Variants in IRAK1BP1 observed in about 807,000 individuals in gnomAD.
IRAK1BP1 encodes the protein interleukin 1 receptor associated kinase 1 binding protein 1.
A neutral mutation model predicts 28.0 loss-of-function variants in IRAK1BP1; 24 were observed. The ratio of observed to expected loss-of-function variants is 0.86; its 90% CI spans 0.62 to 1.20. The LOEUF (loss-of-function observed/expected upper bound fraction) is 1.20, where lower values mean the gene tolerates loss of function less well. Among genes scored for constraint, IRAK1BP1 ranks in the 50% most tolerant of loss-of-function variants. The probability of loss-of-function intolerance (pLI) is 0.00; values close to 1 mark genes in which losing one functional copy is unlikely to be tolerated. For missense variants in IRAK1BP1, 336 were observed against 316.7 expected (o/e 1.06, Z -0.46); for synonymous variants, 131 against 116.3 (o/e 1.13, Z -0.81).
intron 1 of IRAK1BP1, chr6:78,872,027 C>G (rs556718775): frequency 7.6e-6 from 5 of 653,714 alleles, no homozygotes; most frequent in South Asian, 5.1e-5. Context: ...TCCTCTCCCC[C>G]AGCCCCAGCA....
At chr6:78,946,200 T>C (rs866508745) in exon 5 of IRAK1BP1, 1 of 1,612,942 alleles carries the variant, frequency 6.2e-7, no homozygotes. Context: ...GTGTAGAGAA[T>C]GCAGAGGTAG....
chr6:78,935,359 A>G (rs1012324864), intron 4 of IRAK1BP1: 4 of 202,314 alleles, frequency 2.0e-5, no homozygotes, highest in Admixed American at 6.5e-5. Context: ...AATGGTCTTC[A>G]TGCTAAAATT....
At chr6:78,892,017 TAGAG>T (rs1284270147) in intron 2 of IRAK1BP1, among the ~76,000 whole-genome samples, 1 of 152,226 alleles carries the variant, frequency 6.6e-6, no homozygotes, top group African/African-American at 2.4e-5. Flanking sequence ...ATCTGATCAA[TAGAG>T]AATCTTTGAA....
At chr6:78,968,958 G>A in the IRAK1BP1 span, among the ~76,000 whole-genome samples, 1 of 152,160 alleles carries the variant, frequency 6.6e-6, no homozygotes. Flanking sequence ...GGCTTCTACT[G>A]AATATTATTT....
chr6:78,961,732 T>G, the IRAK1BP1 span: 1 of 1,612,704 alleles, frequency 6.2e-7, no homozygotes, highest in Admixed American at 1.7e-5. Context: ...TGTACTTAGA[T>G]CCGTTGGATA....
intron 4 of IRAK1BP1, among the ~76,000 whole-genome samples, chr6:78,928,882 T>C (rs1165153216): frequency 6.6e-6 from 1 of 152,182 alleles, no homozygotes; most frequent in Non-Finnish European, 1.5e-5. Context: ...TAATGAATGA[T>C]CTTTTTCACT....
chr6:78,921,726 C>A (rs1336667105), intron 4 of IRAK1BP1, among the ~76,000 whole-genome samples: 3 of 152,218 alleles, frequency 2.0e-5, no homozygotes, highest in Non-Finnish European at 4.4e-5. Context: ...TGAGACAAAA[C>A]TTCCAGAGGA....
intron 1 of IRAK1BP1, among the ~76,000 whole-genome samples, chr6:78,877,721 C>T (rs890682432): frequency 1.1e-4 from 16 of 152,134 alleles, no homozygotes; most frequent in African/African-American, 1.9e-4. Context: ...TGCAAGGGGT[C>T]GGGGAATTCC....
At chr6:78,958,462 A>C in the IRAK1BP1 span, 1 of 1,418,574 alleles carries the variant, frequency 7.0e-7, no homozygotes. Context: ...TTACATATGA[A>C]AAGATAACTT....
At chr6:78,924,838 A>C (rs1772843217) in intron 4 of IRAK1BP1, among the ~76,000 whole-genome samples, 1 of 152,226 alleles carries the variant, frequency 6.6e-6, no homozygotes, top group Non-Finnish European at 1.5e-5. Context: ...AAAGGATTAT[A>C]AATCATGTTG....
At chr6:78,929,939 T>C (rs2127669662) in intron 4 of IRAK1BP1, among the ~76,000 whole-genome samples, 1 of 152,238 alleles carries the variant, frequency 6.6e-6, no homozygotes, top group Admixed American at 6.5e-5. Context: ...ACAGTTTTTT[T>C]TTGTTTTCGT....
At chr6:78,965,821 A>T in the IRAK1BP1 span, 6 of 1,187,098 alleles carry the variant, frequency 5.1e-6, no homozygotes, top group Non-Finnish European at 7.4e-6. Context: ...TCACAATTTT[A>T]ATAAAATCAA....
At chr6:78,947,082 C>G (rs2127683127), downstream of IRAK1BP1, among the ~76,000 whole-genome samples, 1 of 152,116 alleles carries the variant, frequency 6.6e-6, no homozygotes, top group East Asian at 1.9e-4. Flanking sequence ...AGAAATCTTC[C>G]AAGTTTTGAG....
chr6:78,884,228 A>C (rs988383992), intron 1 of IRAK1BP1, among the ~76,000 whole-genome samples: 17 of 152,288 alleles, frequency 1.1e-4, no homozygotes, highest in African/African-American at 4.1e-4. Context: ...ACTGCTTGTA[A>C]TTAGTTTATA....
intron 1 of IRAK1BP1, among the ~76,000 whole-genome samples, chr6:78,868,328 G>A (rs180953510): frequency 6.6e-6 from 1 of 152,024 alleles, no homozygotes; most frequent in African/African-American, 2.4e-5. Flanking sequence ...GCTTCCTTCC[G>A]ATCATGTAAA....
At chr6:78,962,444 T>C in the IRAK1BP1 span, among the ~76,000 whole-genome samples, 24 of 152,288 alleles carry the variant, frequency 1.6e-4, no homozygotes, top group Non-Finnish European at 2.9e-4. Flanking sequence ...CTATAAAGTG[T>C]TGGCATTTTA....
At chr6:78,886,726 G>T (rs1039341356) in intron 2 of IRAK1BP1, among the ~76,000 whole-genome samples, 8 of 152,160 alleles carry the variant, frequency 5.3e-5, no homozygotes, top group African/African-American at 1.9e-4. Context: ...TGGAAAACTG[G>T]AATGTGTTTG....
At chr6:78,893,306 GTGTGTGTGTA>G (rs1317363934) in intron 2 of IRAK1BP1, among the ~76,000 whole-genome samples, 1,229 of 97,664 alleles carry the variant, frequency 0.013, 6 homozygotes, top group Non-Finnish European at 0.018. Flanking sequence ...GTGTGTGTGT[GTGTGTGTGTA>G]TATATATATA....
intron 2 of IRAK1BP1, among the ~76,000 whole-genome samples, chr6:78,892,218 T>C (rs1562085055): frequency 6.6e-6 from 1 of 152,182 alleles, no homozygotes; most frequent in African/African-American, 2.4e-5. Flanking sequence ...AAACTCTTTC[T>C]TTAGTTAGCC....
Sources: allele counts gnomAD v4.1 joint callset (sites outside exome capture counted in the v4.1 genomes callset), GRCh38; gene constraint gnomAD v4.1.1; transcripts MANE v1.5; gene names NCBI Gene and HGNC (gene_info 2026-07-23, HGNC 2026-07-21).